The following SUFU variants were observed in gnomAD, a reference collection of about 807,000 sequenced individuals.
SUFU encodes suppressor of fused homolog.
A neutral mutation model predicts 58.9 loss-of-function variants in SUFU; 7 were observed. That is an observed-to-expected ratio of 0.12 (90% CI 0.07 to 0.22). The LOEUF is 0.22. SUFU is among the 10% of genes least tolerant of loss of function. The pLI, the probability that SUFU is intolerant of heterozygous loss-of-function variation, is 1.00. For synonymous variants in SUFU, 232 were observed against 254.8 expected, an observed-to-expected ratio of 0.91 and a Z score of 0.85; for missense variants, 451 against 641.3, an observed-to-expected ratio of 0.70 and a Z score of 3.20.
chr10:102,608,676 G>A lies in SUFU; in HGVS notation c.1023-6592G>A, dbSNP rs113112053. Among the ~76,000 whole-genome samples, 1,227 of 152,306 alleles carry A rather than the reference G, an allele frequency of 8.1e-3. 17 individuals are homozygous for A. Among genetic ancestry groups the A allele is most frequent in the African/African-American group, 0.028 (1,168 of 41,576 alleles). ...GGCAGAGTTCAGGAGGGAAAACCCT[G>A]GGCCAGTAGTCCCTAGAGGAGGTCC... On this transcript the variant is annotated intron_variant, in intron 8 of 11. Coordinates refer to ENST00000369902, the MANE Select transcript of SUFU (RefSeq NM_016169.4).
rs116676843 is a variant in SUFU, at chr10:102,618,851, G to A, written c.1296+1423G>A. Among the ~76,000 whole-genome samples, 1,332 of 152,168 alleles carry A rather than the reference G, an allele frequency of 8.8e-3. 18 individuals are homozygous for A. The highest frequency in any genetic ancestry group is 0.03 in the African/African-American group (1,256 of 41,482). On this transcript the variant is annotated intron_variant, in intron 10 of 11. Transcript: ENST00000369902. ...GGGAGGGAGCAGGCCTGTCTCCTGG[G>A]CGGAGCTGCTGAGGAGGCTGGAGGT...
At chr10:102,527,170 C>T (rs965029558) in intron 2 of SUFU, among the ~76,000 whole-genome samples, 3 of 151,480 alleles carry the variant, frequency 2.0e-5, no homozygotes, top group Admixed American at 6.6e-5. Flanking sequence ...GCCTGGCTAA[C>T]TTTTTGTATT....
rs549890267 is a variant in SUFU, at chr10:102,601,625, C to T, written c.1022+2081C>T. On this transcript the variant is annotated intron_variant, in intron 8 of 11. Coordinates refer to ENST00000369902, the MANE Select transcript of SUFU (RefSeq NM_016169.4). Reference sequence around the variant, plus strand: ...GGTTGAGAAATGGTTTCTCCTCCTCCTTTGCCAAGAACATTCTCCAACACA... The same window carrying T: ...GGTTGAGAAATGGTTTCTCCTCCTCTTTTGCCAAGAACATTCTCCAACACA... Among the ~76,000 whole-genome samples, 12 of 152,272 alleles carry T rather than the reference C, an allele frequency of 7.9e-5. No individual in the cohort carries two copies. In the East Asian group the frequency reaches 2.1e-3, roughly 27 times the overall value.
rs10656431 is a variant in SUFU at position 102,577,080 on chromosome 10, C to CTTTTTTTT, written c.455-15498_455-15497insTTTTTTTT. On this transcript the variant is annotated intron_variant, in intron 3 of 11. Coordinates refer to ENST00000369902, the MANE Select transcript of SUFU (RefSeq NM_016169.4). The stretch of plus-strand genomic sequence containing the variant: ...AGTAGAAGCATGTCCTGGATTTTTT[C>CTTTTTTTT]TTTTCTTTTTTTTTTTTTTTTGAGA... Among the ~76,000 whole-genome samples, 15 of 97,080 alleles carry CTTTTTTTT rather than the reference C, an allele frequency of 1.5e-4. 4 individuals are homozygous for CTTTTTTTT. Among genetic ancestry groups the CTTTTTTTT allele is most frequent in the Non-Finnish European group, 1.8e-4 (8 of 45,262 alleles). 63.7% of individuals were successfully genotyped at this position (97,080 alleles called of 152,430 possible).
intron 2 of SUFU, among the ~76,000 whole-genome samples, chr10:102,521,140 G>A (rs1356619511): frequency 6.6e-6 from 1 of 152,140 alleles, no homozygotes; most frequent in Admixed American, 6.5e-5. Context: ...ATTTGGTATT[G>A]TCTGTTTTTT....
intron 2 of SUFU, among the ~76,000 whole-genome samples, chr10:102,527,364 G>A (rs1012953773): frequency 1.3e-5 from 2 of 152,082 alleles, no homozygotes; most frequent in African/African-American, 4.8e-5. Context: ...ATGGAGGCTG[G>A]AGTGGGGTTT....
intron 3 of SUFU, among the ~76,000 whole-genome samples, chr10:102,568,692 G>C (rs2063119339): frequency 6.6e-6 from 1 of 151,226 alleles, no homozygotes; most frequent in Non-Finnish European, 1.5e-5. Flanking sequence ...TGGCCAATGT[G>C]ATGAAACCCT....
At chr10:102,529,213 A>C (rs1277497542) in intron 2 of SUFU, among the ~76,000 whole-genome samples, 2 of 152,226 alleles carry the variant, frequency 1.3e-5, no homozygotes, top group African/African-American at 4.8e-5. Flanking sequence ...AATAAAAAAT[A>C]ATCTCTGCAG....
chr10:102,586,641 C>G (rs2063338624), intron 3 of SUFU, among the ~76,000 whole-genome samples: 1 of 152,170 alleles, frequency 6.6e-6, no homozygotes, highest in Non-Finnish European at 1.5e-5. Context: ...CCACCGCACT[C>G]TAGCCTGGGC....
At position 102,619,474 on chromosome 10, in the gene SUFU, G is replaced by T; in HGVS notation, c.1296+2046G>T. On this transcript the variant is annotated intron_variant, in intron 10 of 11. Transcript: ENST00000369902. This position sits in a 1 kb window ranked among gnomAD's most constrained non-coding sequence, Gnocchi z 4.2. ...CTGGGAGCTACTCAATCAAAGGCCT[G>T]TGTTATGGGCTCATTAGTGTGGTCC... 8.0e-7 allele frequency: 1 copy of T among 1,254,538 alleles called. No individual in the cohort carries two copies. Among genetic ancestry groups the T allele is most frequent in the Non-Finnish European group, 1.0e-6 (1 of 989,122 alleles). The allele number at this position is 1,254,538 out of a possible 1,614,324, so 77.7% of individuals were successfully genotyped here.
intron 10 of SUFU, 62 bp from the exon 11 acceptor site, chr10:102,627,113 T>C: frequency 6.4e-7 from 1 of 1,570,042 alleles, no homozygotes. Flanking sequence ...TAACGCTTGG[T>C]GGTTGGCAAA....
chr10:102,587,577 C>T (rs1223518308), intron 3 of SUFU, among the ~76,000 whole-genome samples: 1 of 152,154 alleles, frequency 6.6e-6, no homozygotes, highest in Non-Finnish European at 1.5e-5. Context: ...CTGCAACCTC[C>T]TCCTCCCGGG....
chr10:102,624,054 A>T (rs368121914), intron 10 of SUFU, among the ~76,000 whole-genome samples: 1 of 152,238 alleles, frequency 6.6e-6, no homozygotes, highest in African/African-American at 2.4e-5. Flanking sequence ...CAATGAAATG[A>T]CACTGATCAA....
At chr10:102,541,398 TCTTTCTTTC>T (rs1280259589) in intron 2 of SUFU, among the ~76,000 whole-genome samples, 5 of 39,080 alleles carry the variant, frequency 1.3e-4, no homozygotes, top group African/African-American at 5.8e-4. Context: ...TTTCTTTCTT[TCTTTCTTTC>T]TTTTTTTTTG....
intron 3 of SUFU, chr10:102,573,165 C>A (rs996623313): frequency 1.3e-5 from 10 of 774,250 alleles, no homozygotes; most frequent in Admixed American, 3.4e-5. Flanking sequence ...GCCTTCAAAG[C>A]CTTTGCTTTG....
At chr10:102,504,387 G>A (rs2062295628) in intron 1 of SUFU, 53 bp downstream of exon 1, 2 of 1,603,476 alleles carry the variant, frequency 1.2e-6, no homozygotes, top group Non-Finnish European at 8.5e-7. Flanking sequence ...AAGGGTTAAA[G>A]CGCCGAGGGC....
chr10:102,604,920 CTTTTTTTTT>C (rs769490548), intron 8 of SUFU, among the ~76,000 whole-genome samples: 2 of 86,434 alleles, frequency 2.3e-5, no homozygotes, highest in African/African-American at 4.7e-5. Context: ...AAAATATTGC[CTTTTTTTTT>C]TTTTTTTTTT....
At chr10:102,550,514 T>G (rs1590019440) in intron 3 of SUFU, among the ~76,000 whole-genome samples, 1 of 152,240 alleles carries the variant, frequency 6.6e-6, no homozygotes, top group African/African-American at 2.4e-5. Context: ...CCCAACCTTT[T>G]GCTCTTGAAA....
At chr10:102,598,476 GT>G (rs2063486181) in intron 7 of SUFU, among the ~76,000 whole-genome samples, 1 of 152,120 alleles carries the variant, frequency 6.6e-6, no homozygotes, top group Non-Finnish European at 1.5e-5. Flanking sequence ...TTTCCTTCCT[GT>G]TTGTTCTAAT....
Sources: gnomAD v4.1 joint callset for allele counts (sites outside exome capture counted in the v4.1 genomes callset) on GRCh38, gnomAD v4.1.1 for gene constraint, Gnocchi (gnomAD v3.1) non-coding constraint, MANE v1.5 for transcripts, NCBI Gene and HGNC (gene_info 2026-07-23, HGNC 2026-07-21) for gene names.